Variants in RAPGEF2 observed in about 807,000 individuals in gnomAD.
The protein encoded by RAPGEF2 is PDZ domain containing guanine nucleotide exchange factor (GEF) 1.
A neutral mutation model predicts 186.7 loss-of-function variants in RAPGEF2; 54 were observed. The observed-to-expected ratio is 0.29, with a 90% CI of 0.23 to 0.36. The LOEUF (loss-of-function observed/expected upper bound fraction) is 0.36. Among genes scored for constraint, RAPGEF2 ranks in the 10% least tolerant of loss-of-function variants. The probability of loss-of-function intolerance (pLI) is 1.00; values close to 1 mark genes in which losing one functional copy is unlikely to be tolerated. For missense variants in RAPGEF2, 1,532 were observed against 2,045.0 expected, an observed-to-expected ratio of 0.75 and a Z score of 4.84; for synonymous variants, 712 against 705.9, an observed-to-expected ratio of 1.01 and a Z score of -0.14.
rs9631748 is a variant in RAPGEF2 at position 159,350,340 on chromosome 4, G to A, written c.3865+51G>A. ...CTTGTATTGAAACCTATACATTTTG[G>A]CTATAATAAATTCCAGAGTAATGTA... is the stretch of plus-strand genomic sequence containing the variant. On this transcript the variant is annotated intron_variant, in intron 26 of 29. Coordinates refer to ENST00000691494, the MANE Select transcript of RAPGEF2 (RefSeq NM_001394067.2). The A allele has an allele frequency of 1.5e-3, 2,045 of 1,396,002 alleles. 21 individuals carry two copies. The African/African-American group carries it at 0.026, about 18-fold the overall frequency. The allele number at this position is 1,396,002 out of a possible 1,614,324, so 86.5% of individuals were successfully genotyped here.
intron 1 of RAPGEF2, among the ~76,000 whole-genome samples, chr4:159,111,119 T>G (rs193245206): frequency 2.0e-5 from 3 of 152,208 alleles, no homozygotes; most frequent in Non-Finnish European, 4.4e-5. Context: ...GTTTCCTTTT[T>G]CCCTCCAGTC....
intron 1 of RAPGEF2, among the ~76,000 whole-genome samples, chr4:159,119,180 A>G (rs1739394371): frequency 6.6e-6 from 1 of 152,142 alleles, no homozygotes; most frequent in African/African-American, 2.4e-5. Flanking sequence ...TAGACAGTGC[A>G]GGGTTGGGTT....
At chr4:159,216,771 T>A (rs1751028598) in intron 4 of RAPGEF2, among the ~76,000 whole-genome samples, 1 of 152,190 alleles carries the variant, frequency 6.6e-6, no homozygotes, top group African/African-American at 2.4e-5. Context: ...GTTGACTGTG[T>A]CCATTTACAA....
At chr4:159,321,811 G>A (rs1765270819) in intron 9 of RAPGEF2, among the ~76,000 whole-genome samples, 2 of 152,136 alleles carry the variant, frequency 1.3e-5, no homozygotes, top group Non-Finnish European at 2.9e-5. Flanking sequence ...CTAAAAAATG[G>A]TGTTATCAGT....
Position 159,305,883 on chromosome 4 carries a change from C to T in RAPGEF2, c.675+1410C>T, listed in dbSNP as rs149923542. Among the ~76,000 whole-genome samples, 667 of 152,070 alleles carry T rather than the reference C, an allele frequency of 4.4e-3. 11 individuals are homozygous for T. The highest frequency in any genetic ancestry group is 0.015 in the African/African-American group (634 of 41,486). On this transcript the variant is annotated intron_variant, in intron 8 of 29. Transcript: ENST00000691494. ...GGTCCAGTTTCATTATATGGTAATCCAATTTTCCCAGCACCATTTATCGAA... is the reference window on the plus strand; with the variant it reads ...GGTCCAGTTTCATTATATGGTAATCTAATTTTCCCAGCACCATTTATCGAA...
At chr4:159,204,098 C>T (rs145540592) in intron 3 of RAPGEF2, among the ~76,000 whole-genome samples, 6 of 152,366 alleles carry the variant, frequency 3.9e-5, no homozygotes, top group African/African-American at 1.4e-4. Flanking sequence ...CAAATGATCA[C>T]TGAAATGTTT....
intron 7 of RAPGEF2, among the ~76,000 whole-genome samples, chr4:159,259,377 T>G (rs892998408): frequency 1.3e-5 from 2 of 152,228 alleles, no homozygotes; most frequent in East Asian, 3.8e-4. Flanking sequence ...TGAGCTATAT[T>G]TGCAGCAGTT....
chr4:159,351,181 G>C (rs955414617), intron 26 of RAPGEF2: 2 of 1,533,620 alleles, frequency 1.3e-6, no homozygotes, highest in African/African-American at 2.7e-5. Context: ...CTATGGGATA[G>C]GTGGGGTTTA....
chr4:159,143,559 G>A (rs1742582710), intron 1 of RAPGEF2, among the ~76,000 whole-genome samples: 1 of 152,158 alleles, frequency 6.6e-6, no homozygotes, highest in Admixed American at 6.5e-5. Context: ...GTAATACCAT[G>A]TGATATAATG....
chr4:159,349,819 C>A (rs1030476234), intron 25 of RAPGEF2, among the ~76,000 whole-genome samples: 2 of 152,196 alleles, frequency 1.3e-5, no homozygotes, highest in East Asian at 1.9e-4. Flanking sequence ...TCCATTTTTT[C>A]TTCATTGTTG....
At chr4:159,201,062 CT>C (rs1301500302) in intron 3 of RAPGEF2, among the ~76,000 whole-genome samples, 1 of 152,072 alleles carries the variant, frequency 6.6e-6, no homozygotes, top group African/African-American at 2.4e-5. Flanking sequence ...CTTTATATTT[CT>C]TTTGGCTTGA....
At chr4:159,248,318 G>A (rs945984529) in intron 7 of RAPGEF2, among the ~76,000 whole-genome samples, 1 of 152,158 alleles carries the variant, frequency 6.6e-6, no homozygotes, top group East Asian at 1.9e-4. Flanking sequence ...GAGTGTTAGA[G>A]AGTGATATAC....
At chr4:159,148,301 T>C (rs1183566714) in intron 1 of RAPGEF2, among the ~76,000 whole-genome samples, 2 of 152,194 alleles carry the variant, frequency 1.3e-5, no homozygotes, top group African/African-American at 4.8e-5. Flanking sequence ...CTTTAAAGTA[T>C]AGACAGTTAG....
chr4:159,161,525 G>A (rs1744703689), intron 1 of RAPGEF2, among the ~76,000 whole-genome samples: 1 of 152,018 alleles, frequency 6.6e-6, no homozygotes, highest in Non-Finnish European at 1.5e-5. Flanking sequence ...GCAACATGGT[G>A]AAACCCTGTT....
intron 4 of RAPGEF2, among the ~76,000 whole-genome samples, chr4:159,228,607 A>C (rs1197443740): frequency 1.3e-5 from 2 of 152,208 alleles, no homozygotes; most frequent in Non-Finnish European, 2.9e-5. Flanking sequence ...GAATGTTTGT[A>C]AGTGAGCCTT....
chr4:159,186,164 TA>T (rs1356336336), intron 1 of RAPGEF2, among the ~76,000 whole-genome samples: 2 of 151,890 alleles, frequency 1.3e-5, no homozygotes, highest in African/African-American at 4.8e-5. Context: ...TATTTCTATA[TA>T]AGAAAATATT....
At chr4:159,312,176 A>G (rs1387088691) in intron 8 of RAPGEF2, among the ~76,000 whole-genome samples, 1 of 152,034 alleles carries the variant, frequency 6.6e-6, no homozygotes. Context: ...AAAATTAAAG[A>G]AAAACCATTA....
intron 7 of RAPGEF2, among the ~76,000 whole-genome samples, chr4:159,298,778 GA>G (rs1237835008): frequency 1.3e-5 from 2 of 152,168 alleles, no homozygotes; most frequent in African/African-American, 4.8e-5. Context: ...TCTAGGCTTA[GA>G]TTCCAGCTAC....
chr4:159,244,940 CAG>C (rs1317164122), intron 7 of RAPGEF2, among the ~76,000 whole-genome samples: 3 of 151,770 alleles, frequency 2.0e-5, no homozygotes, highest in East Asian at 1.9e-4. Flanking sequence ...TAAAATTGTA[CAG>C]AGTTTTATGT....
Sources: gnomAD v4.1 joint callset for allele counts (sites outside exome capture counted in the v4.1 genomes callset) on GRCh38, gnomAD v4.1.1 for gene constraint, MANE v1.5 for transcripts, NCBI Gene and HGNC (gene_info 2026-07-23, HGNC 2026-07-21) for gene names.